Variants in STK35 observed in about 807,000 individuals in gnomAD.
The protein encoded by STK35 is serine/threonine kinase 35, also known as serine/threonine-protein kinase 35.
A neutral mutation model predicts 37.3 loss-of-function variants in STK35; 17 were observed. The observed-to-expected ratio is 0.46, with a 90% CI of 0.31 to 0.68. The LOEUF (loss-of-function observed/expected upper bound fraction) is 0.68. STK35 is among the 30% of genes least tolerant of loss of function. STK35 has a pLI of 0.05. For synonymous variants in STK35, 385 were observed against 319.1 expected (o/e 1.21, Z -2.20); for missense variants, 595 against 746.7 (o/e 0.80, Z 2.37).
chr20:2,136,867 G>A (rs1313674713), intron 3 of STK35, among the ~76,000 whole-genome samples: 2 of 152,210 alleles, frequency 1.3e-5, no homozygotes, highest in Non-Finnish European at 2.9e-5. Flanking sequence ...CTGGGCAGGG[G>A]GACAGAAGAG....
chr20:2,128,029 T>C (rs4813391), intron 3 of STK35, among the ~76,000 whole-genome samples: 7,561 of 152,226 alleles, frequency 0.05, 268 homozygotes, highest in Admixed American at 0.1. Flanking sequence ...ACAGTGTCAG[T>C]GAGAAACCCT....
At chr20:2,132,546 C>T (rs976330036) in intron 3 of STK35, among the ~76,000 whole-genome samples, 1 of 152,196 alleles carries the variant, frequency 6.6e-6, no homozygotes, top group African/African-American at 2.4e-5. Context: ...GTGAGCAAGG[C>T]TGTATTTTAG....
At chr20:2,116,634 A>G in intron 2 of STK35, 32 bp from the exon 3 acceptor site, 1 of 1,591,538 alleles carries the variant, frequency 6.3e-7, no homozygotes, top group South Asian at 1.1e-5. Context: ...TGTCCATCTC[A>G]CTCAAGCTCC....
intron 2 of STK35, among the ~76,000 whole-genome samples, chr20:2,107,868 A>G (rs1037421420): frequency 2.6e-5 from 4 of 152,222 alleles, no homozygotes; most frequent in Non-Finnish European, 5.9e-5. Flanking sequence ...TTGGGGAAAT[A>G]TAAGTTAACA....
intron 3 of STK35, among the ~76,000 whole-genome samples, chr20:2,140,393 T>C (rs757685365): frequency 3.6e-5 from 5 of 138,240 alleles, no homozygotes; most frequent in Non-Finnish European, 6.5e-5. Flanking sequence ...CCACTGGGGC[T>C]GAGACCTACA....
At chr20:2,133,016 C>T (rs1309156776) in intron 3 of STK35, among the ~76,000 whole-genome samples, 1 of 152,236 alleles carries the variant, frequency 6.6e-6, no homozygotes, top group Non-Finnish European at 1.5e-5. Flanking sequence ...ATAGGCTAAT[C>T]ACACGTTTTC....
At chr20:2,135,887 A>T (rs987329878) in intron 3 of STK35, among the ~76,000 whole-genome samples, 2 of 152,058 alleles carry the variant, frequency 1.3e-5, no homozygotes, top group African/African-American at 4.8e-5. Flanking sequence ...TGTGGTCCCT[A>T]CTCAGGAAAC....
In STK35 at chr20:2,145,234, C is replaced by G. The variant is rs540732354; in HGVS notation, c.*1488C>G. 2 of 152,450 alleles carry G rather than the reference C, an allele frequency of 1.3e-5. No individual in the cohort carries two copies. Among genetic ancestry groups the G allele is most frequent in the South Asian group, 4.1e-4 (2 of 4,832 alleles). The allele number at this position is 152,450 out of a possible 1,614,324, so 9.4% of individuals were successfully genotyped here. On this transcript the variant is annotated 3_prime_UTR_variant, in exon 4 of 4. Transcript: ENST00000381482. ...AGAAGGGGCAATGCTCTTGTGTTGT[C>G]CCTCTGTCTGGACGCGCCTGGCCAC...
intron 3 of STK35, among the ~76,000 whole-genome samples, chr20:2,131,471 G>T (rs912095068): frequency 8.5e-5 from 12 of 140,374 alleles, no homozygotes; most frequent in East Asian, 4.0e-4. Flanking sequence ...TTAAAGTTTT[G>T]TTTTTTTTTT....
intron 1 of STK35, 22 bp downstream of exon 1, chr20:2,102,197 T>C: frequency 7.3e-7 from 1 of 1,369,006 alleles, no homozygotes; most frequent in Non-Finnish European, 9.4e-7. Context: ...GTTGGAGGAC[T>C]GAAGGCCAGC....
chr20:2,109,382 C>T (rs1220463677), intron 2 of STK35, among the ~76,000 whole-genome samples: 2 of 152,194 alleles, frequency 1.3e-5, no homozygotes, highest in Non-Finnish European at 2.9e-5. Context: ...CTGGTGGATT[C>T]TACATTTTAA....
intron 3 of STK35, among the ~76,000 whole-genome samples, chr20:2,131,769 T>G (rs1474156293): frequency 6.7e-6 from 1 of 149,810 alleles, no homozygotes; most frequent in Non-Finnish European, 1.5e-5. Context: ...CAGGCTGGAG[T>G]GCAGTGGCAC....
chr20:2,138,378 C>T (rs1017021362), intron 3 of STK35, among the ~76,000 whole-genome samples: 2 of 152,172 alleles, frequency 1.3e-5, no homozygotes, highest in Non-Finnish European at 2.9e-5. Context: ...TTACTGAATG[C>T]CCCACCCTGG....
At chr20:2,133,974 T>C (rs1479681763) in intron 3 of STK35, among the ~76,000 whole-genome samples, 1 of 152,098 alleles carries the variant, frequency 6.6e-6, no homozygotes, top group Non-Finnish European at 1.5e-5. Context: ...TACTGGGCCT[T>C]ACATGGGCCT....
chr20:2,132,878 A>G (rs1361777723), intron 3 of STK35, among the ~76,000 whole-genome samples: 1 of 152,226 alleles, frequency 6.6e-6, no homozygotes, highest in East Asian at 1.9e-4. Context: ...TTGTCTGGTC[A>G]GTGCAGTAAG....
At position 2,107,306 on chromosome 20, in the gene STK35, A is replaced by G. The variant is rs189270138; in HGVS notation, c.892+3941A>G. Among the ~76,000 whole-genome samples the G allele has an allele frequency of 1.3e-3, 203 of 152,370 alleles. 1 individual carries two copies. Among genetic ancestry groups the G allele is most frequent in the Non-Finnish European group, 2.4e-3 (163 of 68,042 alleles). On this transcript the variant is annotated intron_variant, in intron 2 of 3. Coordinates refer to ENST00000381482, the MANE Select transcript of STK35 (RefSeq NM_080836.4). ...TCCAGGACAAACTCTCAAGACTCAT[A>G]TAACAGAATAGTTAGAAGTTTGGGA...
At chr20:2,103,785 G>A in intron 2 of STK35, among the ~76,000 whole-genome samples, 1 of 152,018 alleles carries the variant, frequency 6.6e-6, no homozygotes, top group East Asian at 1.9e-4. Flanking sequence ...GAAAAAACTT[G>A]ACTGGACCCA....
At chr20:2,118,638 A>G (rs1314853117) in intron 3 of STK35, among the ~76,000 whole-genome samples, 3 of 152,264 alleles carry the variant, frequency 2.0e-5, no homozygotes, top group South Asian at 2.1e-4. Context: ...CATGCTCCGC[A>G]TGAACAACGT....
At chr20:2,119,129 G>A (rs1985772480) in intron 3 of STK35, among the ~76,000 whole-genome samples, 1 of 152,218 alleles carries the variant, frequency 6.6e-6, no homozygotes, top group South Asian at 2.1e-4. Context: ...TTGGTTTCAT[G>A]TGTAGTATTT....
Sources: allele counts gnomAD v4.1 joint callset (sites outside exome capture counted in the v4.1 genomes callset), GRCh38; gene constraint gnomAD v4.1.1; transcripts MANE v1.5; gene names NCBI Gene and HGNC (gene_info 2026-07-23, HGNC 2026-07-21).